ERG: variants seen among roughly 807,000 people sequenced by gnomAD.
ERG encodes the protein ETS transcription factor ERG, also known as transcriptional regulator ERG.
Under a neutral mutation model 55.3 loss-of-function variants are expected in ERG, and 9 were observed. That is an observed-to-expected ratio of 0.16 (90% CI 0.10 to 0.28). The LOEUF (loss-of-function observed/expected upper bound fraction) is 0.28, where lower values mean the gene tolerates loss of function less well. Ranked by LOEUF, ERG falls within the 10% of genes least tolerant of loss-of-function variation. The pLI is 1.00. For missense variants in ERG, 434 were observed against 631.6 expected (o/e 0.69, Z 3.35); for synonymous variants, 223 against 237.3 (o/e 0.94, Z 0.55).
At chr21:38,415,571 C>T (rs940739462) in intron 3 of ERG, among the ~76,000 whole-genome samples, 4 of 152,078 alleles carry the variant, frequency 2.6e-5, no homozygotes, top group South Asian at 2.1e-4. Flanking sequence ...CCCATCATAT[C>T]GACAGAGTGG....
At chr21:38,550,887 T>G (rs1165834233) in intron 2 of ERG, among the ~76,000 whole-genome samples, 1 of 152,182 alleles carries the variant, frequency 6.6e-6, no homozygotes, top group East Asian at 1.9e-4. Flanking sequence ...AGTCAGGAAT[T>G]GACAGACGAT....
chr21:38,415,380 G>GA (rs1989232421), intron 3 of ERG, among the ~76,000 whole-genome samples: 2 of 152,310 alleles, frequency 1.3e-5, no homozygotes, highest in Admixed American at 1.3e-4. Flanking sequence ...TTGCTTTTTA[G>GA]AAAAATGACT....
intron 1 of ERG, among the ~76,000 whole-genome samples, chr21:38,492,163 AC>A (rs1183058242): frequency 1.3e-5 from 2 of 152,214 alleles, no homozygotes; most frequent in African/African-American, 4.8e-5. Flanking sequence ...GATTTGTGTG[AC>A]TTGTATAAGA....
chr21:38,626,510 T>G (rs888814442), intron 1 of ERG, among the ~76,000 whole-genome samples: 14 of 152,174 alleles, frequency 9.2e-5, no homozygotes, highest in Non-Finnish European at 1.6e-4. Flanking sequence ...ATTACTCACA[T>G]TTGGGCACTC....
At chr21:38,487,082 T>G (rs1336339814) in intron 1 of ERG, among the ~76,000 whole-genome samples, 3 of 150,606 alleles carry the variant, frequency 2.0e-5, no homozygotes, top group Non-Finnish European at 4.4e-5. Context: ...AAAATGGGCC[T>G]TAATTTCTAA....
chr21:38,485,596 A>C (rs1376482909), intron 1 of ERG, among the ~76,000 whole-genome samples: 3 of 151,394 alleles, frequency 2.0e-5, no homozygotes, highest in Non-Finnish European at 2.9e-5. Context: ...AGTAGCTGGG[A>C]TTACAGGCAT....
intron 2 of ERG, among the ~76,000 whole-genome samples, chr21:38,562,815 G>A (rs934209782): frequency 6.6e-6 from 1 of 152,102 alleles, no homozygotes; most frequent in Admixed American, 6.6e-5. Context: ...TGTGGGAGGT[G>A]GGTTGAGGGG....
At chr21:38,588,611 C>T (rs990424595), upstream of ERG, among the ~76,000 whole-genome samples, 1 of 152,142 alleles carries the variant, frequency 6.6e-6, no homozygotes, top group African/African-American at 2.4e-5. Context: ...CCTCAGTTTG[C>T]TCATCTGAAA....
At chr21:38,568,107 T>C (rs1329528268) in intron 2 of ERG, among the ~76,000 whole-genome samples, 1 of 152,208 alleles carries the variant, frequency 6.6e-6, no homozygotes, top group Non-Finnish European at 1.5e-5. Context: ...AGATTTCCCC[T>C]TCTTACTTTT....
intron 1 of ERG, among the ~76,000 whole-genome samples, chr21:38,469,567 C>A (rs1052733625): frequency 6.6e-6 from 1 of 152,186 alleles, no homozygotes; most frequent in East Asian, 1.9e-4. Context: ...TTGGGCTATT[C>A]TCCTTCTTTC....
chr21:38,410,618 AT>A (rs1176525828), intron 3 of ERG, among the ~76,000 whole-genome samples: 1 of 152,236 alleles, frequency 6.6e-6, no homozygotes, highest in Non-Finnish European at 1.5e-5. Context: ...TTTAAAAAAA[AT>A]ATTTCCATGA....
chr21:38,441,082 G>A (rs929361737), intron 2 of ERG, among the ~76,000 whole-genome samples: 8 of 152,090 alleles, frequency 5.3e-5, no homozygotes, highest in Admixed American at 2.0e-4. Flanking sequence ...TTTACCACCC[G>A]CTGTCCAGTC....
intron 2 of ERG, among the ~76,000 whole-genome samples, chr21:38,427,180 C>T (rs947710053): frequency 6.6e-6 from 1 of 152,036 alleles, no homozygotes; most frequent in Non-Finnish European, 1.5e-5. Context: ...GCTAAGTGTT[C>T]GAGACCAGCC....
chr21:38,383,640 G>A lies in ERG; in HGVS notation c.1203C>T (p.Pro401=). Residue 401 remains proline, a synonymous_variant, in exon 10 of 10, where the codon CCC becomes CCT. Coordinates refer to ENST00000288319, the MANE Select transcript of ERG (RefSeq NM_182918.4). This position sits in a 1 kb window ranked among gnomAD's most constrained non-coding sequence, Gnocchi z 5.7. The part of the protein sequence containing the change: ...DFHGIAQALQ[P]HPPESSLYKY... ...TGTACAGAGATGACTCCGGGGGGTG[G>A]GGCTGGAGGGCCTGGGCGATCCCGT... 1 of 1,614,136 alleles carries A rather than the reference G, an allele frequency of 6.2e-7. No individual in the cohort carries two copies. The highest frequency in any genetic ancestry group is 1.7e-5 in the Admixed American group (1 of 60,028).
intron 1 of ERG, among the ~76,000 whole-genome samples, chr21:38,644,228 T>C (rs1284783695): frequency 1.3e-5 from 2 of 152,230 alleles, no homozygotes; most frequent in African/African-American, 4.8e-5. Context: ...TTTAGTAGCA[T>C]GACATTCTGT....
At chr21:38,505,150 G>A (rs569268688) in intron 2 of ERG, among the ~76,000 whole-genome samples, 3 of 152,210 alleles carry the variant, frequency 2.0e-5, no homozygotes, top group South Asian at 2.1e-4. Context: ...GAAATGAAGC[G>A]AAGGCAAAAA....
intron 3 of ERG, among the ~76,000 whole-genome samples, chr21:38,420,303 CGT>C (rs34803336): frequency 0.5 from 74,419 of 148,432 alleles, 19,178 homozygotes; most frequent in African/African-American, 0.68. Flanking sequence ...TGTGTGTGTG[CGT>C]GTGTGTGTGT....
chr21:38,432,465 C>T (rs1990260033), intron 2 of ERG, among the ~76,000 whole-genome samples: 1 of 152,182 alleles, frequency 6.6e-6, no homozygotes, highest in South Asian at 2.1e-4. Context: ...CCCAAGAGCA[C>T]CAAATGCACT....
intron 3 of ERG, among the ~76,000 whole-genome samples, chr21:38,422,643 T>C (rs1989599351): frequency 6.6e-6 from 1 of 152,240 alleles, no homozygotes; most frequent in South Asian, 2.1e-4. Flanking sequence ...TTTAAGTCAT[T>C]TTTTCTATTA....
Sources: allele counts gnomAD v4.1 joint callset (sites outside exome capture counted in the v4.1 genomes callset), GRCh38; gene constraint gnomAD v4.1.1; non-coding constraint Gnocchi (gnomAD v3.1); transcripts MANE v1.5; gene names NCBI Gene and HGNC (gene_info 2026-07-23, HGNC 2026-07-21).